Variants in MAPK4 observed in about 807,000 individuals in gnomAD.
MAPK4 encodes the protein Erk3-related.
Under a neutral mutation model 47.7 loss-of-function variants are expected in MAPK4, and 22 were observed. The ratio of observed to expected loss-of-function variants is 0.46; its 90% confidence interval spans 0.33 to 0.66. The LOEUF is 0.66. MAPK4 is among the 30% of genes least tolerant of loss of function. The pLI is 0.02. For synonymous variants in MAPK4, 390 were observed against 365.7 expected (o/e 1.07, Z -0.76); for missense variants, 736 against 831.7 (o/e 0.88, Z 1.42).
rs1267346951 is a variant in MAPK4, at chr18:50,621,604, A to T, written c.-870-41485A>T. Among the ~76,000 whole-genome samples the T allele has an allele frequency of 2.6e-5, 4 of 152,136 alleles. No homozygotes were observed. In the East Asian group the frequency reaches 7.8e-4, roughly 29 times the overall value. On this transcript the variant is annotated intron_variant, in intron 1 of 5. Coordinates refer to ENST00000400384, the MANE Select transcript of MAPK4 (RefSeq NM_002747.4). ...AGATCCACTAAACATTTCAGATTTG[A>T]CTCTTTCTCTCCAGAGCTGATAATC...
intron 2 of MAPK4, among the ~76,000 whole-genome samples, chr18:50,697,959 A>G (rs1463538844): frequency 6.6e-6 from 1 of 152,158 alleles, no homozygotes; most frequent in Non-Finnish European, 1.5e-5. Context: ...TCTAGGAAAT[A>G]CTGAACTGTT....
At chr18:50,610,196 T>C (rs1401903267) in intron 1 of MAPK4, among the ~76,000 whole-genome samples, 3 of 152,100 alleles carry the variant, frequency 2.0e-5, no homozygotes, top group East Asian at 1.9e-4. Context: ...CATAGAGATA[T>C]AACCACAGGA....
intron 2 of MAPK4, among the ~76,000 whole-genome samples, chr18:50,687,380 C>A (rs59752508): frequency 9.9e-5 from 15 of 152,122 alleles, no homozygotes; most frequent in Non-Finnish European, 1.6e-4. Context: ...GCCAGTAGCT[C>A]CACCCCTCAA....
intron 2 of MAPK4, among the ~76,000 whole-genome samples, chr18:50,709,308 C>T (rs1412515188): frequency 6.6e-6 from 1 of 152,190 alleles, no homozygotes; most frequent in Non-Finnish European, 1.5e-5. Context: ...TTCCTGAGGC[C>T]TTCCTGAGTC....
chr18:50,721,865 G>A, intron 3 of MAPK4, 73 bp from the exon 4 acceptor site: 5 of 1,499,070 alleles, frequency 3.3e-6, no homozygotes, highest in Admixed American at 1.8e-5. Context: ...AGAACACCTG[G>A]CACTGCTTTT....
intron 2 of MAPK4, among the ~76,000 whole-genome samples, chr18:50,708,521 T>G (rs1910178255): frequency 6.6e-6 from 1 of 152,188 alleles, no homozygotes; most frequent in Admixed American, 6.5e-5. Context: ...TTGTTTAGAC[T>G]GAGAAATGGA....
At chr18:50,562,353 ATCACCC>A (rs2042160591) in intron 1 of MAPK4, among the ~76,000 whole-genome samples, 1 of 151,382 alleles carries the variant, frequency 6.6e-6, no homozygotes, top group Admixed American at 6.6e-5. Context: ...CCCTGGCTAT[ATCACCC>A]TCTTGTTTCT....
At chr18:50,567,750 GT>G (rs1332176546) in intron 1 of MAPK4, among the ~76,000 whole-genome samples, 150 of 151,894 alleles carry the variant, frequency 9.9e-4, no homozygotes, top group Admixed American at 8.5e-3. Flanking sequence ...GTGTGTGTGT[GT>G]GTGGGTGGGT....
chr18:50,700,289 C>T (rs1460984688), intron 2 of MAPK4, among the ~76,000 whole-genome samples: 3 of 152,156 alleles, frequency 2.0e-5, no homozygotes, highest in Non-Finnish European at 4.4e-5. Context: ...AAGCTTCCTC[C>T]AGGAACTGAG....
chr18:50,728,634 G>A (rs551236595), intron 5 of MAPK4, among the ~76,000 whole-genome samples: 1 of 152,320 alleles, frequency 6.6e-6, no homozygotes, highest in Admixed American at 6.5e-5. Flanking sequence ...CTGATCCAGG[G>A]TTGAGAAGCA....
chr18:50,704,780 T>G (rs1909965176), intron 2 of MAPK4: 1 of 398,634 alleles, frequency 2.5e-6, no homozygotes, highest in Non-Finnish European at 4.4e-6. Flanking sequence ...CTGCATCCTC[T>G]TCTGTGGAGC....
chr18:50,648,542 G>A lies in MAPK4; in HGVS notation c.-870-14547G>A, dbSNP rs565632389. Among the ~76,000 whole-genome samples, 48 of 152,292 alleles carry A rather than the reference G, an allele frequency of 3.2e-4. 1 individual carries two copies. The highest frequency in any genetic ancestry group is 3.4e-3 in the Middle Eastern group (1 of 294). On this transcript the variant is annotated intron_variant, in intron 1 of 5. Transcript: ENST00000400384. ...AGGGGATGCAGGAGGGCGGCAGAGA[G>A]AGCATTGCAGGGTTTATTCTGAACA...
At chr18:50,685,362 A>C (rs980132419) in intron 2 of MAPK4, among the ~76,000 whole-genome samples, 2 of 152,226 alleles carry the variant, frequency 1.3e-5, no homozygotes, top group Non-Finnish European at 2.9e-5. Context: ...TCACTGTCCA[A>C]TGAGAGAGAA....
intron 1 of MAPK4, among the ~76,000 whole-genome samples, chr18:50,568,670 G>A (rs1031449399): frequency 2.3e-4 from 35 of 152,264 alleles, no homozygotes; most frequent in African/African-American, 7.9e-4. Flanking sequence ...ACTTTGTGGT[G>A]CAAGTTAATT....
intron 1 of MAPK4, chr18:50,629,359 C>T (rs2042809046): frequency 6.6e-6 from 1 of 152,210 alleles, no homozygotes; most frequent in South Asian, 2.1e-4. Context: ...CATTAGTTGG[C>T]TCCATAACCA....
chr18:50,679,069 A>G (rs750338852), intron 2 of MAPK4, among the ~76,000 whole-genome samples: 1 of 152,100 alleles, frequency 6.6e-6, no homozygotes, highest in African/African-American at 2.4e-5. Context: ...CCCATTGTCA[A>G]TCCCTATGCC....
chr18:50,612,178 T>G (rs964412588), intron 1 of MAPK4, among the ~76,000 whole-genome samples: 6 of 152,224 alleles, frequency 3.9e-5, no homozygotes. Flanking sequence ...CTCATTTATG[T>G]CTGGATCTTT....
At chr18:50,684,142 C>T (rs1908738207) in intron 2 of MAPK4, among the ~76,000 whole-genome samples, 1 of 152,206 alleles carries the variant, frequency 6.6e-6, no homozygotes, top group Non-Finnish European at 1.5e-5. Context: ...GTTGCTAGAG[C>T]ACTTTCTGGC....
intron 2 of MAPK4, among the ~76,000 whole-genome samples, chr18:50,682,484 A>G (rs1327069821): frequency 6.6e-6 from 1 of 152,216 alleles, no homozygotes; most frequent in Non-Finnish European, 1.5e-5. Flanking sequence ...AACCTGTATA[A>G]GAAAAGCAAG....
Sources: gnomAD v4.1 joint callset for allele counts (sites outside exome capture counted in the v4.1 genomes callset) on GRCh38, gnomAD v4.1.1 for gene constraint, MANE v1.5 for transcripts, NCBI Gene and HGNC (gene_info 2026-07-23, HGNC 2026-07-21) for gene names.